ELMO1: variants seen among roughly 807,000 people sequenced by gnomAD.
The protein encoded by ELMO1 is engulfment and cell motility protein 1.
A neutral mutation model predicts 98.9 loss-of-function variants in ELMO1; 26 were observed. That is an observed-to-expected ratio of 0.26 (90% CI 0.19 to 0.36). The LOEUF (loss-of-function observed/expected upper bound fraction) is 0.36. ELMO1 is among the 10% of genes least tolerant of loss of function. ELMO1 has a pLI of 1.00. For missense variants in ELMO1, 627 were observed against 935.2 expected, an observed-to-expected ratio of 0.67 and a Z score of 4.30; for synonymous variants, 346 against 346.0, an observed-to-expected ratio of 1.00 and a Z score of 0.00.
chr7:37,294,568 G>A (rs1797934952), intron 4 of ELMO1, among the ~76,000 whole-genome samples: 4 of 152,142 alleles, frequency 2.6e-5, no homozygotes, highest in Admixed American at 2.6e-4. Flanking sequence ...TTCTATTCTA[G>A]AGAAACTTTT....
chr7:36,953,183 A>G (rs895482149), intron 16 of ELMO1, among the ~76,000 whole-genome samples: 3 of 151,840 alleles, frequency 2.0e-5, no homozygotes, highest in Non-Finnish European at 2.9e-5. Context: ...AGCCAGGATG[A>G]TATCGATCTC....
At chr7:37,104,037 A>AAAAAAAAAAC (rs1784802464) in intron 14 of ELMO1, among the ~76,000 whole-genome samples, 1 of 144,092 alleles carries the variant, frequency 6.9e-6, no homozygotes, top group East Asian at 2.0e-4. Flanking sequence ...AAAAAAAAAA[A>AAAAAAAAAAC]AAAAAAGAAC....
chr7:37,360,465 C>T (rs1038784073), intron 1 of ELMO1, among the ~76,000 whole-genome samples: 13 of 149,968 alleles, frequency 8.7e-5, no homozygotes, highest in Non-Finnish European at 1.9e-4. Flanking sequence ...TTTCAAACAT[C>T]TACATAAAGT....
chr7:37,117,511 T>C (rs1177520786), intron 14 of ELMO1, among the ~76,000 whole-genome samples: 1 of 152,234 alleles, frequency 6.6e-6, no homozygotes. Context: ...CTCATCCTCA[T>C]GCTTGAAGCA....
chr7:37,417,386 G>C (rs1384814244), intron 1 of ELMO1, among the ~76,000 whole-genome samples: 3 of 152,142 alleles, frequency 2.0e-5, no homozygotes, highest in Non-Finnish European at 2.9e-5. Flanking sequence ...AATTGGCCAG[G>C]CGCGGTGTCT....
At chr7:37,000,648 G>A (rs946741216) in intron 16 of ELMO1, among the ~76,000 whole-genome samples, 4 of 152,194 alleles carry the variant, frequency 2.6e-5, no homozygotes, top group East Asian at 1.9e-4. Flanking sequence ...GCACAAGCAC[G>A]TATTTCCTAG....
intron 2 of ELMO1, among the ~76,000 whole-genome samples, chr7:37,335,208 T>A (rs1304767088): frequency 6.6e-6 from 1 of 152,184 alleles, no homozygotes; most frequent in Non-Finnish European, 1.5e-5. Flanking sequence ...AAAGACTGCA[T>A]TATAATGCGA....
chr7:37,332,139 A>T (rs1022410881), intron 2 of ELMO1, among the ~76,000 whole-genome samples: 9 of 152,224 alleles, frequency 5.9e-5, no homozygotes, highest in Admixed American at 5.2e-4. Context: ...TTTGTCTCAA[A>T]GTCACTGATT....
intron 1 of ELMO1, among the ~76,000 whole-genome samples, chr7:37,423,446 G>A (rs551697467): frequency 1.4e-4 from 21 of 152,264 alleles, no homozygotes; most frequent in Admixed American, 4.6e-4. Flanking sequence ...CAGGCGCAGC[G>A]GTGGCTGCCT....
chr7:37,120,586 C>T (rs1785942461), intron 14 of ELMO1, among the ~76,000 whole-genome samples: 1 of 152,182 alleles, frequency 6.6e-6, no homozygotes, highest in South Asian at 2.1e-4. Flanking sequence ...GGAGGGGCAC[C>T]CGCCATTGCT....
intron 16 of ELMO1, among the ~76,000 whole-genome samples, chr7:37,002,774 T>C (rs578033557): frequency 1.3e-5 from 2 of 152,324 alleles, no homozygotes; most frequent in South Asian, 2.1e-4. Context: ...GGTGGTGAGA[T>C]AGTAACTTTG....
intron 18 of ELMO1, among the ~76,000 whole-genome samples, chr7:36,879,683 TAGTC>T (rs1414438223): frequency 6.6e-6 from 1 of 152,220 alleles, no homozygotes; most frequent in Non-Finnish European, 1.5e-5. Context: ...TTCTGAAGCA[TAGTC>T]AGAGTACGGC....
intron 10 of ELMO1, among the ~76,000 whole-genome samples, chr7:37,219,905 C>G (rs942481264): frequency 3.3e-5 from 5 of 152,236 alleles, no homozygotes; most frequent in African/African-American, 1.2e-4. Context: ...TGACTTTGGT[C>G]AATTTTCCTA....
At chr7:37,089,442 C>A in intron 15 of ELMO1, among the ~76,000 whole-genome samples, 1 of 152,098 alleles carries the variant, frequency 6.6e-6, no homozygotes, top group East Asian at 1.9e-4. Flanking sequence ...TGTTTCAAGG[C>A]TTCAATCACA....
At chr7:36,993,886 C>T (rs912161651) in intron 16 of ELMO1, among the ~76,000 whole-genome samples, 25 of 152,162 alleles carry the variant, frequency 1.6e-4, no homozygotes, top group African/African-American at 3.9e-4. Flanking sequence ...ATGAGAACGA[C>T]GAAGCAAATC....
At chr7:37,287,609 G>C (rs1252364259) in intron 4 of ELMO1, among the ~76,000 whole-genome samples, 2 of 152,194 alleles carry the variant, frequency 1.3e-5, no homozygotes, top group Non-Finnish European at 2.9e-5. Context: ...GCTTGTTGCT[G>C]ACATTTGTGA....
intron 17 of ELMO1, among the ~76,000 whole-genome samples, chr7:36,890,213 G>T (rs1805434230): frequency 1.3e-5 from 2 of 152,204 alleles, no homozygotes; most frequent in Admixed American, 1.3e-4. Context: ...AAAGGAGGAA[G>T]ATTAAAGGAG....
At chr7:36,960,293 G>A (rs531631000) in intron 16 of ELMO1, among the ~76,000 whole-genome samples, 16 of 152,288 alleles carry the variant, frequency 1.1e-4, no homozygotes, top group Admixed American at 3.3e-4. Context: ...TTCAGAGGGC[G>A]GAGAGGAAAT....
chr7:37,096,531 T>C (rs147029075), intron 15 of ELMO1, 88 bp downstream of exon 15: 85 of 1,114,130 alleles, frequency 7.6e-5, no homozygotes, highest in African/African-American at 7.4e-4. Flanking sequence ...TGTCGGCATC[T>C]TGGGATTTCT....
Sources: gnomAD v4.1 joint callset for allele counts (sites outside exome capture counted in the v4.1 genomes callset) on GRCh38, gnomAD v4.1.1 for gene constraint, MANE v1.5 for transcripts, NCBI Gene and HGNC (gene_info 2026-07-23, HGNC 2026-07-21) for gene names.